Variants in LRRC37A2 observed in about 807,000 individuals in gnomAD.
LRRC37A2 encodes the protein leucine rich repeat containing 37 member A2.
Under a neutral mutation model 68.8 loss-of-function variants are expected in LRRC37A2, and 9 were observed. The observed-to-expected ratio is 0.13, with a 90% confidence interval of 0.08 to 0.23. LRRC37A2 has a LOEUF of 0.23. LRRC37A2 is among the 10% of genes least tolerant of loss of function. LRRC37A2 has a pLI of 1.00. For missense variants in LRRC37A2, 168 were observed against 950.4 expected (o/e 0.18, Z 10.82); for synonymous variants, 63 against 367.6 (o/e 0.17, Z 9.48).
chr17:46,983,289 CTTTTTTTTTTT>C, the LRRC37A2 span, among the ~76,000 whole-genome samples: 1 of 76,848 alleles, frequency 1.3e-5, no homozygotes, highest in African/African-American at 5.1e-5. Flanking sequence ...GCCCTTTCTT[CTTTTTTTTTTT>C]TTTTTTTTTT....
the LRRC37A2 span, chr17:46,851,569 G>T: frequency 1.2e-6 from 1 of 866,928 alleles, no homozygotes; most frequent in East Asian, 3.6e-5. The surrounding 1 kb of genome is among the most constrained non-coding windows in gnomAD (Gnocchi z 4.3). Context: ...AGTCCCGCGG[G>T]CGGGTGGTGG....
At chr17:46,806,029 C>T in the LRRC37A2 span, among the ~76,000 whole-genome samples, 4 of 152,050 alleles carry the variant, frequency 2.6e-5, no homozygotes, top group African/African-American at 4.8e-5. Flanking sequence ...CTGGGGTTGT[C>T]GGGAGGATGA....
the LRRC37A2 span, among the ~76,000 whole-genome samples, chr17:46,879,963 T>C: frequency 7.0e-3 from 1,064 of 152,354 alleles, 15 homozygotes; most frequent in African/African-American, 0.024. Flanking sequence ...GCTACACCAC[T>C]GGGCCCCTCC....
the LRRC37A2 span, among the ~76,000 whole-genome samples, chr17:46,771,998 G>A: frequency 2.0e-5 from 3 of 150,724 alleles, no homozygotes; most frequent in East Asian, 5.9e-4. Flanking sequence ...CGGAAGACGC[G>A]CGCCCCGGGC....
At chr17:47,021,116 A>G in the LRRC37A2 span, among the ~76,000 whole-genome samples, 1 of 152,224 alleles carries the variant, frequency 6.6e-6, no homozygotes, top group African/African-American at 2.4e-5. Context: ...AACCTTGATT[A>G]TCAGCTACAG....
the LRRC37A2 span, chr17:46,939,284 T>G: frequency 5.9e-6 from 6 of 1,024,440 alleles, no homozygotes; most frequent in Non-Finnish European, 7.0e-6. Flanking sequence ...CAGTGACATG[T>G]AGATGACTGA....
the LRRC37A2 span, chr17:46,728,846 C>G: frequency 6.3e-7 from 1 of 1,577,938 alleles, no homozygotes; most frequent in Non-Finnish European, 8.6e-7. Flanking sequence ...AATAATGTTT[C>G]TTTTCCAGAT....
At chr17:46,492,384 T>C in the LRRC37A2 span, among the ~76,000 whole-genome samples, 1 of 151,010 alleles carries the variant, frequency 6.6e-6, no homozygotes, top group Non-Finnish European at 1.5e-5. Context: ...TAGCAGTCCT[T>C]TATATGAGTG....
At chr17:46,871,985 G>T in the LRRC37A2 span, among the ~76,000 whole-genome samples, 1 of 152,204 alleles carries the variant, frequency 6.6e-6, no homozygotes, top group African/African-American at 2.4e-5. Flanking sequence ...ATGTAAGGGA[G>T]AGAGGGATGT....
At chr17:46,816,401 C>G in the LRRC37A2 span, among the ~76,000 whole-genome samples, 3 of 151,370 alleles carry the variant, frequency 2.0e-5, no homozygotes, top group Admixed American at 2.0e-4. Context: ...CAGTTGCAGG[C>G]ACAAACACTT....
the LRRC37A2 span, among the ~76,000 whole-genome samples, chr17:46,814,855 G>T: frequency 6.6e-6 from 1 of 152,218 alleles, no homozygotes; most frequent in East Asian, 1.9e-4. Flanking sequence ...GACAGATGGG[G>T]AAACTGAGGT....
At chr17:46,931,303 G>C in the LRRC37A2 span, 2 of 748,210 alleles carry the variant, frequency 2.7e-6, no homozygotes, top group Non-Finnish European at 2.5e-6. Context: ...GAAAACCAAC[G>C]TACATGTTGA....
At chr17:46,969,642 A>C in the LRRC37A2 span, among the ~76,000 whole-genome samples, 10 of 152,164 alleles carry the variant, frequency 6.6e-5, no homozygotes, top group African/African-American at 2.4e-4. Flanking sequence ...TTCCTTATTC[A>C]GCAATAAGGA....
chr17:46,744,909 A>G, the LRRC37A2 span, among the ~76,000 whole-genome samples: 1 of 152,214 alleles, frequency 6.6e-6, no homozygotes, highest in South Asian at 2.1e-4. Flanking sequence ...CCTTGGAACA[A>G]TGTTTATCAT....
the LRRC37A2 span, among the ~76,000 whole-genome samples, chr17:46,746,220 A>G: frequency 7.3e-4 from 111 of 152,342 alleles, no homozygotes; most frequent in Non-Finnish European, 6.5e-4. Context: ...AATAATAATA[A>G]TGATTACCCT....
the LRRC37A2 span, among the ~76,000 whole-genome samples, chr17:46,971,898 G>T: frequency 6.6e-6 from 1 of 152,232 alleles, no homozygotes. Context: ...TCCCCGGCAA[G>T]GGGGAAGCTT....
At chr17:46,744,603 G>T in the LRRC37A2 span, among the ~76,000 whole-genome samples, 1 of 150,912 alleles carries the variant, frequency 6.6e-6, no homozygotes, top group African/African-American at 2.4e-5. Flanking sequence ...TATTATATTA[G>T]TGGCATTTTT....
chr17:46,882,772 G>T, the LRRC37A2 span, among the ~76,000 whole-genome samples: 1 of 152,250 alleles, frequency 6.6e-6, no homozygotes, highest in East Asian at 1.9e-4. Flanking sequence ...ACGTGACAGG[G>T]TCCTAGATGC....
At chr17:46,940,897 C>G in the LRRC37A2 span, 1 of 1,379,072 alleles carries the variant, frequency 7.3e-7, no homozygotes, top group Non-Finnish European at 9.4e-7. Context: ...CTTCTCTTCA[C>G]ACATCTGCTT....
Sources: gnomAD v4.1 joint callset for allele counts (sites outside exome capture counted in the v4.1 genomes callset) on GRCh38, gnomAD v4.1.1 for gene constraint, Gnocchi (gnomAD v3.1) non-coding constraint, MANE v1.5 for transcripts, NCBI Gene and HGNC (gene_info 2026-07-23, HGNC 2026-07-21) for gene names.